Variants in NCALD observed in about 807,000 individuals in gnomAD.
NCALD encodes the protein neurocalcin-delta.
In NCALD, 10 loss-of-function variants were observed where a neutral mutation model predicts 18.6. The observed-to-expected ratio is 0.54, with a 90% CI of 0.33 to 0.91. The LOEUF is 0.91. Ranked by LOEUF, NCALD falls within the 40% of genes least tolerant of loss-of-function variation. The pLI is 0.03. For synonymous variants in NCALD, 88 were observed against 87.4 expected (o/e 1.01, Z -0.04); for missense variants, 184 against 247.6 (o/e 0.74, Z 1.72).
At position 101,984,327 on chromosome 8, in the gene NCALD, T is replaced by C. The variant is rs184944302; in HGVS notation, c.-157+35910A>G. On this transcript the variant is annotated intron_variant, in intron 2 of 6. Coordinates refer to the NCALD transcript ENST00000311028. ...ACATAGACTTCTTCCAACATAGGGT[T>C]TCATTACATAGTCTTGATAAATACC... 1.8e-3 allele frequency among the ~76,000 whole-genome samples: 270 copies of C among 152,344 alleles called. 1 individual carries two copies. Among genetic ancestry groups the C allele is most frequent in the Non-Finnish European group, 2.9e-3 (200 of 68,036 alleles).
rs1814507296 is a variant in NCALD, at chr8:101,687,172, G to A, written c.*2137C>T. 1 of 152,308 alleles carries A rather than the reference G, an allele frequency of 6.6e-6. No homozygotes were observed. Among genetic ancestry groups the A allele is most frequent in the African/African-American group, 2.4e-5 (1 of 41,436 alleles). The allele number at this position is 152,308 out of a possible 1,614,324, so 9.4% of individuals were successfully genotyped here. A position where few individuals can be genotyped will look rare whatever the true frequency, so the allele number is the denominator to read the frequency against. The stretch of plus-strand genomic sequence containing the variant: ...TGGGTCTGGCTCAGCGAGATGTCAT[G>A]ACTAAGGGCAGAGCCCAGGCAGGTT... On this transcript the variant is annotated 3_prime_UTR_variant, in exon 4 of 4. Transcript: ENST00000220931.
rs140328532 is a variant in NCALD, at chr8:101,814,044, A to G, written c.-20+73097T>C. On this transcript the variant is annotated intron_variant, in intron 4 of 6. Coordinates refer to the NCALD transcript ENST00000311028. ...ATACCCTTACAAAATAGAAAACACC[A>G]GGCCCAAATAGGTTCACTGGTGAAT... Among the ~76,000 whole-genome samples, 866 of 152,232 alleles carry G rather than the reference A, an allele frequency of 5.7e-3. 9 individuals carry two copies. The highest frequency in any genetic ancestry group is 0.018 in the African/African-American group (761 of 41,544).
chr8:101,875,425 T>C (rs1816189435), intron 4 of NCALD, among the ~76,000 whole-genome samples: 1 of 152,192 alleles, frequency 6.6e-6, no homozygotes, highest in Admixed American at 6.5e-5. Flanking sequence ...ACTGACCCTG[T>C]CCCTTTCATC....
At chr8:101,965,640 G>A (rs770507257) in intron 2 of NCALD, among the ~76,000 whole-genome samples, 2 of 152,126 alleles carry the variant, frequency 1.3e-5, no homozygotes, top group Non-Finnish European at 2.9e-5. Flanking sequence ...GGGAGGGATA[G>A]CATTAGGAGA....
At chr8:101,769,694 C>T (rs1811504353) in intron 1 of NCALD, among the ~76,000 whole-genome samples, 1 of 151,964 alleles carries the variant, frequency 6.6e-6, no homozygotes, top group South Asian at 2.1e-4. Context: ...CATCTTTCAC[C>T]AGCTCAACTG....
At chr8:101,693,892 A>G (rs1018009533) in intron 2 of NCALD, 2 of 152,182 alleles carry the variant, frequency 1.3e-5, no homozygotes, top group African/African-American at 4.8e-5. Flanking sequence ...ACCACCTGCC[A>G]TCAGAGCTCT....
At position 101,690,344 on chromosome 8, in the gene NCALD, T is replaced by C. The variant is rs931884877; in HGVS notation, c.485-938A>G. ...TAAATTTGGGAGGAATTGCTGGGCA[T>C]CTCCGCCCAGCTTTGCCCTCCCTTT... On this transcript the variant is annotated intron_variant, in intron 3 of 3. Transcript: ENST00000220931. 8.2e-6 allele frequency: 8 copies of C among 979,146 alleles called. No homozygotes were observed. The African/African-American group carries it at 1.2e-4, about 15-fold the overall frequency. 60.7% of individuals were successfully genotyped at this position (979,146 alleles called of 1,614,324 possible).
intron 3 of NCALD, chr8:101,690,957 G>C (rs769547112): frequency 4.1e-6 from 4 of 985,338 alleles, no homozygotes; most frequent in Admixed American, 6.1e-5. Context: ...TCACTTAACT[G>C]TCTGCATGAT....
In NCALD at chr8:102,047,637, G is replaced by A. The variant is rs116284772; in HGVS notation, c.-209-27348C>T. 7.4e-3 allele frequency among the ~76,000 whole-genome samples: 1,124 copies of A among 152,310 alleles called. 10 individuals carry two copies. Among genetic ancestry groups the A allele is most frequent in the African/African-American group, 0.026 (1,073 of 41,566 alleles). On this transcript the variant is annotated intron_variant, in intron 1 of 6. Transcript: ENST00000311028. ...CATAGAACATGCTAACGATCCTGGT[G>A]AAAGAAAATTACAATAAAAGGTACC...
intron 1 of NCALD, among the ~76,000 whole-genome samples, chr8:101,726,990 T>C (rs1816601530): frequency 6.6e-6 from 1 of 152,188 alleles, no homozygotes; most frequent in Non-Finnish European, 1.5e-5. Context: ...ACCAGCGAAG[T>C]AGGCAGACAA....
Position 101,724,465 on chromosome 8 carries a change from G to C in NCALD, c.-19-4817C>G, listed in dbSNP as rs1816489668. Among the ~76,000 whole-genome samples the C allele has an allele frequency of 2.0e-5, 3 of 152,170 alleles. No individual in the cohort carries two copies. The South Asian group carries it at 6.2e-4, about 32-fold the overall frequency. ...AGCCTGGCTCTATTGTTTACTAGCT[G>C]GTGGGTAATTCACTTAACATTTTGG... On this transcript the variant is annotated intron_variant, in intron 1 of 3. Coordinates refer to ENST00000220931, the MANE Select transcript of NCALD (RefSeq NM_032041.3).
At chr8:102,017,588 G>A (rs758404727) in intron 2 of NCALD, among the ~76,000 whole-genome samples, 5 of 152,102 alleles carry the variant, frequency 3.3e-5, no homozygotes, top group Admixed American at 1.3e-4. Flanking sequence ...CCAGCTACTC[G>A]GGAGGCTGAC....
chr8:101,855,510 G>C (rs911373952), intron 4 of NCALD, among the ~76,000 whole-genome samples: 1 of 152,128 alleles, frequency 6.6e-6, no homozygotes, highest in Non-Finnish European at 1.5e-5. Context: ...ACTGAGATTT[G>C]GGGGGCTGTT....
chr8:101,843,550 CATCTG>C (rs1321106299), intron 4 of NCALD, among the ~76,000 whole-genome samples: 1 of 149,472 alleles, frequency 6.7e-6, no homozygotes, highest in African/African-American at 2.5e-5. Context: ...CTACATTGAT[CATCTG>C]ATCTGTTCTA....
intron 4 of NCALD, among the ~76,000 whole-genome samples, chr8:101,809,643 T>C (rs568586448): frequency 3.2e-4 from 49 of 152,268 alleles, no homozygotes; most frequent in African/African-American, 1.0e-3. Flanking sequence ...ATCCCCCGGG[T>C]TGCAGTGATT....
At chr8:101,709,188 T>C (rs1431539458) in intron 2 of NCALD, among the ~76,000 whole-genome samples, 1 of 152,240 alleles carries the variant, frequency 6.6e-6, no homozygotes, top group African/African-American at 2.4e-5. Flanking sequence ...ACTGGTTACT[T>C]TGGGTACGCC....
chr8:102,021,196 G>T (rs1822260882), intron 1 of NCALD, among the ~76,000 whole-genome samples: 1 of 152,122 alleles, frequency 6.6e-6, no homozygotes, highest in South Asian at 2.1e-4. Context: ...CCTAGACCAG[G>T]ACTGGTCTCA....
At chr8:101,910,232 C>A (rs542125785) in intron 3 of NCALD, among the ~76,000 whole-genome samples, 11 of 152,206 alleles carry the variant, frequency 7.2e-5, no homozygotes, top group African/African-American at 2.2e-4. Context: ...GTTTTGCTGG[C>A]CCCATCTCTG....
chr8:101,795,426 C>A (rs184465538), upstream of NCALD, among the ~76,000 whole-genome samples: 1 of 152,312 alleles, frequency 6.6e-6, no homozygotes, highest in Non-Finnish European at 1.5e-5. Flanking sequence ...AAGGCTCCTA[C>A]AGATGTGGTC....
Sources: allele counts gnomAD v4.1 joint callset (sites outside exome capture counted in the v4.1 genomes callset), GRCh38; gene constraint gnomAD v4.1.1; transcripts MANE v1.5; gene names NCBI Gene and HGNC (gene_info 2026-07-23, HGNC 2026-07-21).